Variants in LIMK1 observed in about 807,000 individuals in gnomAD.
LIMK1 encodes LIM domain kinase 1.
A neutral mutation model predicts 77.6 loss-of-function variants in LIMK1; 21 were observed. The ratio of observed to expected loss-of-function variants is 0.27; its 90% CI spans 0.19 to 0.39. The LOEUF is 0.39. Among genes scored for constraint, LIMK1 ranks in the 10% least tolerant of loss-of-function variants. The probability of loss-of-function intolerance (pLI) is 1.00; values close to 1 mark genes in which losing one functional copy is unlikely to be tolerated. For missense variants in LIMK1, 696 were observed against 901.6 expected, an observed-to-expected ratio of 0.77 and a Z score of 2.92; for synonymous variants, 358 against 370.0, an observed-to-expected ratio of 0.97 and a Z score of 0.37.
At chr7:74,098,165 T>C (rs1222063965) in intron 4 of LIMK1, among the ~76,000 whole-genome samples, 2 of 152,210 alleles carry the variant, frequency 1.3e-5, no homozygotes, top group East Asian at 3.9e-4. Context: ...GAGGTCAGGC[T>C]GGATGAAAGC....
At chr7:74,116,915 T>G (rs1228847242) in intron 13 of LIMK1, among the ~76,000 whole-genome samples, 1 of 151,996 alleles carries the variant, frequency 6.6e-6, no homozygotes, top group Non-Finnish European at 1.5e-5. Flanking sequence ...AGAGTCTCGC[T>G]GTGTCTCCCA....
Position 74,107,177 on chromosome 7 carries a change from T to A in LIMK1, c.1049T>A (p.Phe350Tyr). The change falls in exon 8 of 16, where the codon TTC becomes TAC. Residue 350 changes from phenylalanine (F) to tyrosine (Y), a missense_variant. Physicochemically the swap from Phe to Tyr is conservative, Grantham distance 22. Around this residue, in one of 3 missense-constraint regions of LIMK1, gnomAD observed 438 missense variants for 602.3 expected, o/e 0.73. Coordinates refer to ENST00000336180, the MANE Select transcript of LIMK1 (RefSeq NM_002314.4). ...GGGGAGGTGCTGGGCAAGGGCTGCT[T>A]CGGCCAGGCTATCAAGGTACAGAGC... ...IHGEVLGKGC[F>Y]GQAIKVTHRE... The A allele has an allele frequency of 6.2e-7, 1 of 1,610,846 alleles. No homozygotes were observed. The highest frequency in any genetic ancestry group is 8.5e-7 in the Non-Finnish European group (1 of 1,179,086).
chr7:74,104,833 T>C (rs1799535923), intron 5 of LIMK1, among the ~76,000 whole-genome samples: 4 of 152,278 alleles, frequency 2.6e-5, no homozygotes, highest in African/African-American at 9.6e-5. Context: ...CTTGGCCTCC[T>C]CTTGCAGGGC....
At chr7:74,089,877 C>CAA (rs1799204471) in intron 2 of LIMK1, among the ~76,000 whole-genome samples, 1 of 151,872 alleles carries the variant, frequency 6.6e-6, no homozygotes, top group Admixed American at 6.6e-5. Context: ...CCTGTGTCTG[C>CAA]GGTGAGGGGG....
At chr7:74,090,031 G>GA (rs1799207811) in intron 2 of LIMK1, among the ~76,000 whole-genome samples, 1 of 152,110 alleles carries the variant, frequency 6.6e-6, no homozygotes, top group Admixed American at 6.6e-5. Context: ...GAGTCCCCAG[G>GA]TCAGGGCAGT....
Position 74,106,179 on chromosome 7 carries a change from C to G in LIMK1, c.817C>G (p.Leu273Val). Residue 273 changes from leucine to valine, a missense_variant, in exon 7 of 16, where the codon CTG becomes GTG. Transcript: ENST00000336180. ...GHGLGPETSPLSSPAYTPSGE... is the reference protein window; with the variant it reads ...GHGLGPETSPVSSPAYTPSGE... ...CGGGCTGGGGCCTGAGACCAGCCCCCTGAGCTCTCCGGCTTATACTCCCAG... is the reference window on the plus strand; with the variant it reads ...CGGGCTGGGGCCTGAGACCAGCCCCGTGAGCTCTCCGGCTTATACTCCCAG... 2 of 1,614,036 alleles carry G rather than the reference C, an allele frequency of 1.2e-6. No homozygotes were observed. The highest frequency in any genetic ancestry group is 1.7e-6 in the Non-Finnish European group (2 of 1,180,030).
At chr7:74,101,856 G>T (rs1799465280) in intron 5 of LIMK1, among the ~76,000 whole-genome samples, 1 of 150,966 alleles carries the variant, frequency 6.6e-6, no homozygotes, top group African/African-American at 2.5e-5. Flanking sequence ...ACAGGGTCTT[G>T]CTCTGTCATA....
chr7:74,103,612 G>A (rs782117162), intron 5 of LIMK1, among the ~76,000 whole-genome samples: 1 of 152,088 alleles, frequency 6.6e-6, no homozygotes, highest in African/African-American at 2.4e-5. Context: ...TGAGATTTGA[G>A]TCTGTAAATA....
chr7:74,105,427 C>A (rs782130291), intron 5 of LIMK1, among the ~76,000 whole-genome samples: 4 of 151,390 alleles, frequency 2.6e-5, no homozygotes, highest in African/African-American at 9.7e-5. Context: ...GTACGAGAAT[C>A]GCTTGAACTC....
At chr7:74,105,565 G>A (rs1042138824) in intron 5 of LIMK1, among the ~76,000 whole-genome samples, 2 of 151,954 alleles carry the variant, frequency 1.3e-5, no homozygotes, top group Non-Finnish European at 2.9e-5. Flanking sequence ...GATTTGGAAG[G>A]ATAGATCTGT....
At position 74,121,519 on chromosome 7, in the gene LIMK1, G is replaced by A. The variant is rs375504810; in HGVS notation, c.*218G>A. ...AGCTGCACACACACACCATGCTCTCGCCCTGCTGTAACCTCTGTCTTGGCA... is the reference window on the plus strand; with the variant it reads ...AGCTGCACACACACACCATGCTCTCACCCTGCTGTAACCTCTGTCTTGGCA... On this transcript the variant is annotated 3_prime_UTR_variant, in exon 16 of 16. Coordinates refer to ENST00000336180, the MANE Select transcript of LIMK1 (RefSeq NM_002314.4). The A allele has an allele frequency of 4.4e-5, 24 of 550,874 alleles. No individual in the cohort carries two copies. The highest frequency in any genetic ancestry group is 4.6e-4 in the Middle Eastern group (1 of 2,154). The allele number at this position is 550,874 out of a possible 1,614,324, so 34.1% of individuals were successfully genotyped here. A position where few individuals can be genotyped will look rare whatever the true frequency, so the allele number is the denominator to read the frequency against.
chr7:74,107,937 C>T lies in LIMK1; in HGVS notation c.1132C>T (p.Gln378Ter). Residue 378 changes from glutamine to a stop codon, truncating the protein, a stop_gained, in exon 9 of 16, where the codon CAG becomes TAG. Transcript: ENST00000336180. LOFTEE classifies it high-confidence loss of function. ...KELIRFDEET[Q>*]RTFLKEVKVM... is the part of the protein sequence containing the mutation. The stretch of plus-strand genomic sequence containing the variant: ...GCTGATCCGGTTCGACGAGGAGACC[C>T]AGAGGACGTTCCTCAAGGAGGTCAG... 1 of 1,571,266 alleles carries T rather than the reference C, an allele frequency of 6.4e-7. No homozygotes were observed. The highest frequency in any genetic ancestry group is 8.6e-7 in the Non-Finnish European group (1 of 1,157,682).
In LIMK1 at chr7:74,105,449, G is replaced by C. The variant is rs1458261702; in HGVS notation, c.609-426G>C. On this transcript the variant is annotated intron_variant, in intron 5 of 15. Transcript: ENST00000336180. ...AATCGCTTGAACTCAGGAGGCAGAG[G>C]CTGCAGTGAGCTGAGATTGTGCCAT... Among the ~76,000 whole-genome samples, 25 of 151,784 alleles carry C rather than the reference G, an allele frequency of 1.6e-4. 1 individual carries two copies. The highest frequency in any genetic ancestry group is 1.0e-3 in the South Asian group (5 of 4,794).
In LIMK1 at chr7:74,105,999, G is replaced by T. The variant is rs1405919419; in HGVS notation, c.714+19G>T. The T allele has an allele frequency of 6.2e-7, 1 of 1,613,574 alleles. No individual in the cohort carries two copies. The highest frequency in any genetic ancestry group is 2.2e-5 in the East Asian group (1 of 44,872). On this transcript the variant is annotated intron_variant, in intron 6 of 15. Transcript: ENST00000336180. ...GGACGAGGTACGGTCCTGAGTCTGT[G>T]GGGCAGGACGGGAGGTAGTGCCTTC...
chr7:74,085,800 G>A lies in LIMK1; in HGVS notation c.108G>A (p.Gln36=). ...GCGGCCAGAGGATCTATGATGGCCAGTACCTCCAGGCCCTGAACGCGGACT... is the reference window on the plus strand; with the variant it reads ...GCGGCCAGAGGATCTATGATGGCCAATACCTCCAGGCCCTGAACGCGGACT... The part of the protein sequence containing the change: ...ASCGQRIYDG[Q]YLQALNADWH... Residue 36 remains glutamine (Q), a synonymous_variant, in exon 2 of 16, where the codon CAG becomes CAA. Transcript: ENST00000336180. 6.4e-7 allele frequency: 1 copy of A among 1,564,276 alleles called. No individual in the cohort carries two copies. The highest frequency in any genetic ancestry group is 8.7e-7 in the Non-Finnish European group (1 of 1,153,968).
chr7:74,120,539 C>G (rs899022370), intron 13 of LIMK1, 44 bp from the exon 14 acceptor site: 1 of 1,606,972 alleles, frequency 6.2e-7, no homozygotes, highest in African/African-American at 1.3e-5. Context: ...GCATCCCTGG[C>G]ACCCCCATGT....
chr7:74,091,378 G>T (rs549172139), intron 2 of LIMK1, among the ~76,000 whole-genome samples: 2 of 152,230 alleles, frequency 1.3e-5, no homozygotes, highest in South Asian at 2.1e-4. Flanking sequence ...TTAGCCAGGC[G>T]TGGTGGTGCG....
intron 13 of LIMK1, among the ~76,000 whole-genome samples, chr7:74,118,986 C>G (rs901549743): frequency 2.6e-5 from 4 of 152,064 alleles, no homozygotes; most frequent in Non-Finnish European, 5.9e-5. Flanking sequence ...AGCTCCGCCT[C>G]CCGGGTTCAC....
chr7:74,086,503 G>C (rs560284375), intron 2 of LIMK1, among the ~76,000 whole-genome samples: 15 of 152,120 alleles, frequency 9.9e-5, no homozygotes, highest in Admixed American at 8.5e-4. Flanking sequence ...GGGATTATAG[G>C]TATACACCAC....
Sources: gnomAD v4.1 joint callset for allele counts (sites outside exome capture counted in the v4.1 genomes callset) on GRCh38, gnomAD v4.1.1 for gene constraint, gnomAD v4.1.1 regional missense constraint, MANE v1.5 for transcripts, NCBI Gene and HGNC (gene_info 2026-07-23, HGNC 2026-07-21) for gene names.